Variants in STK32A observed in about 807,000 individuals in gnomAD.
STK32A encodes the protein serine/threonine kinase 32A.
A neutral mutation model predicts 53.2 loss-of-function variants in STK32A; 41 were observed. The ratio of observed to expected loss-of-function variants is 0.77; its 90% confidence interval spans 0.60 to 1.00. The LOEUF is 1.00. STK32A is among the 50% of genes least tolerant of loss of function. The probability of loss-of-function intolerance (pLI) is 0.00; values close to 1 mark genes in which losing one functional copy is unlikely to be tolerated. For synonymous variants in STK32A, 166 were observed against 162.8 expected (o/e 1.02, Z -0.15); for missense variants, 458 against 485.8 (o/e 0.94, Z 0.54).
chr5:147,335,977 T>C (rs967530226), intron 5 of STK32A, among the ~76,000 whole-genome samples: 1 of 152,222 alleles, frequency 6.6e-6, no homozygotes, highest in African/African-American at 2.4e-5. Context: ...GATCTGAGCC[T>C]TGGTCATTTG....
chr5:147,307,548 A>G (rs1363630209), intron 4 of STK32A, among the ~76,000 whole-genome samples: 1 of 148,594 alleles, frequency 6.7e-6, no homozygotes, highest in Non-Finnish European at 1.5e-5. Flanking sequence ...CATGAATCCT[A>G]GAGGTGGAGG....
At chr5:147,247,434 T>C (rs989069661) in intron 2 of STK32A, among the ~76,000 whole-genome samples, 2 of 152,258 alleles carry the variant, frequency 1.3e-5, no homozygotes, top group African/African-American at 4.8e-5. Flanking sequence ...TTGAATCCAA[T>C]AGCCTTGCAT....
intron 4 of STK32A, among the ~76,000 whole-genome samples, chr5:147,291,881 T>C (rs1185409264): frequency 6.6e-6 from 1 of 152,206 alleles, no homozygotes; most frequent in Non-Finnish European, 1.5e-5. Flanking sequence ...CCTAATTATT[T>C]GCATTAAGTG....
chr5:147,385,612 T>C lies in STK32A; in HGVS notation c.*1629T>C, dbSNP rs1757619304. On this transcript the variant is annotated 3_prime_UTR_variant, in exon 13 of 13. Coordinates refer to ENST00000397936, the MANE Select transcript of STK32A (RefSeq NM_001112724.2). ...ACTGATGTCTCACTCTTTTTCTTTA[T>C]ATTTTATTTATTGATTTGCCACAAA... 6.6e-6 allele frequency: 1 copy of C among 152,230 alleles called. No homozygotes were observed. The highest frequency in any genetic ancestry group is 2.4e-5 in the African/African-American group (1 of 41,452). The allele number at this position is 152,230 out of a possible 1,614,324, so 9.4% of individuals were successfully genotyped here.
the STK32A span, chr5:147,397,897 C>T: frequency 9.8e-6 from 8 of 812,280 alleles, no homozygotes; most frequent in East Asian, 4.4e-5. Flanking sequence ...GAAAGAGGAA[C>T]GTACCTTCTC....
At position 147,324,027 on chromosome 5, in the gene STK32A, G is replaced by T. The variant is rs1319293791; in HGVS notation, c.390G>T (p.Leu130=). The stretch of plus-strand genomic sequence containing the variant: ...CAGTGAAGCTCTTCATCTGTGAGCT[G>T]GTCATGGCCCTGGACTACCTGCAGA... ...EETVKLFICE[L]VMALDYLQNQ... is the part of the protein sequence containing the mutation. Residue 130 remains leucine, a synonymous_variant, in exon 5 of 13, where the codon CTG becomes CTT. Coordinates refer to ENST00000397936, the MANE Select transcript of STK32A (RefSeq NM_001112724.2). The T allele has an allele frequency of 1.9e-6, 3 of 1,610,404 alleles. No individual in the cohort carries two copies. Among genetic ancestry groups the T allele is most frequent in the Non-Finnish European group, 2.5e-6 (3 of 1,178,402 alleles).
At chr5:147,255,759 T>C (rs1243468537) in intron 2 of STK32A, among the ~76,000 whole-genome samples, 1 of 152,250 alleles carries the variant, frequency 6.6e-6, no homozygotes. Flanking sequence ...ACAGCATCTC[T>C]AGTGTAGTTA....
intron 9 of STK32A, among the ~76,000 whole-genome samples, chr5:147,371,741 G>A (rs1757015459): frequency 6.6e-6 from 1 of 152,156 alleles, no homozygotes; most frequent in Non-Finnish European, 1.5e-5. Flanking sequence ...CTTGTTTGAC[G>A]GTTGTTGAAC....
intron 2 of STK32A, among the ~76,000 whole-genome samples, chr5:147,245,259 A>C (rs1257369781): frequency 6.6e-6 from 1 of 152,220 alleles, no homozygotes; most frequent in Non-Finnish European, 1.5e-5. Flanking sequence ...AAGTAATCCC[A>C]TTTGATCAAC....
intron 4 of STK32A, among the ~76,000 whole-genome samples, chr5:147,288,689 G>A (rs929218417): frequency 2.0e-5 from 3 of 152,002 alleles, no homozygotes; most frequent in African/African-American, 7.3e-5. Context: ...CCTCTATCAC[G>A]AGAACAGCAC....
the STK32A span, chr5:147,401,939 T>TTTTGAGGCAAATTAAAA: frequency 5.1e-6 from 2 of 389,282 alleles, no homozygotes; most frequent in African/African-American, 4.2e-5. Context: ...AATTCTCAAA[T>TTTTGAGGCAAATTAAAA]TTTGAGGCAA....
intron 2 of STK32A, among the ~76,000 whole-genome samples, chr5:147,259,193 C>T (rs1754378000): frequency 6.6e-6 from 1 of 152,172 alleles, no homozygotes; most frequent in Non-Finnish European, 1.5e-5. Flanking sequence ...AGAATAGCCC[C>T]ATACTTTAAG....
chr5:147,266,648 G>A (rs1177966028), intron 2 of STK32A, among the ~76,000 whole-genome samples: 1 of 152,148 alleles, frequency 6.6e-6, no homozygotes, highest in African/African-American at 2.4e-5. Flanking sequence ...CACACCCAGT[G>A]TCTTCCTTCA....
At chr5:147,310,418 A>G (rs187664504) in intron 4 of STK32A, among the ~76,000 whole-genome samples, 1 of 152,246 alleles carries the variant, frequency 6.6e-6, no homozygotes, top group East Asian at 1.9e-4. Context: ...CTGGCTGGAG[A>G]GGCAAAGGGT....
chr5:147,341,166 C>T (rs1158629329), intron 5 of STK32A, among the ~76,000 whole-genome samples: 1 of 152,158 alleles, frequency 6.6e-6, no homozygotes. Flanking sequence ...CAACTCTCAT[C>T]CATCTTTGGT....
At chr5:147,307,955 G>C (rs1021948994) in intron 4 of STK32A, among the ~76,000 whole-genome samples, 26 of 151,980 alleles carry the variant, frequency 1.7e-4, no homozygotes, top group African/African-American at 2.4e-4. Context: ...TGGATTTTCA[G>C]TAATTCATCT....
At chr5:147,372,269 CTTTTTTTTTTTTTTTTT>C (rs71274369) in intron 9 of STK32A, among the ~76,000 whole-genome samples, 3 of 49,332 alleles carry the variant, frequency 6.1e-5, no homozygotes, top group Non-Finnish European at 6.9e-5. Context: ...TGGGCTTGGC[CTTTTTTTTTTTTTTTTT>C]TTTTTTTTTT....
the STK32A span, chr5:147,400,967 A>T: frequency 1.3e-5 from 15 of 1,169,420 alleles, no homozygotes; most frequent in Non-Finnish European, 1.6e-5. Flanking sequence ...ACCTCTTACT[A>T]GATATATGAG....
intron 2 of STK32A, among the ~76,000 whole-genome samples, chr5:147,266,941 TA>T (rs1217632647): frequency 2.0e-4 from 31 of 151,446 alleles, no homozygotes. Flanking sequence ...GAGAATCACT[TA>T]AACCTGGGAG....
Sources: gnomAD v4.1 joint callset for allele counts (sites outside exome capture counted in the v4.1 genomes callset) on GRCh38, gnomAD v4.1.1 for gene constraint, MANE v1.5 for transcripts, NCBI Gene and HGNC (gene_info 2026-07-23, HGNC 2026-07-21) for gene names.